Variants in FRMPD2 observed in about 807,000 individuals in gnomAD.
The protein encoded by FRMPD2 is FERM and PDZ domain-containing protein 2.
Under a neutral mutation model 140.1 loss-of-function variants are expected in FRMPD2, and 96 were observed. That is an observed-to-expected ratio of 0.69 (90% confidence interval 0.58 to 0.81). FRMPD2 has a LOEUF of 0.81. Ranked by LOEUF, FRMPD2 falls within the 40% of genes least tolerant of loss-of-function variation. The probability of loss-of-function intolerance (pLI) is 0.00; values close to 1 mark genes in which losing one functional copy is unlikely to be tolerated. For synonymous variants in FRMPD2, 449 were observed against 547.6 expected, an observed-to-expected ratio of 0.82 and a Z score of 2.52; for missense variants, 1,240 against 1,447.4, an observed-to-expected ratio of 0.86 and a Z score of 2.32.
At chr10:48,241,793 C>T (rs546088313) in intron 5 of FRMPD2, among the ~76,000 whole-genome samples, 4 of 152,336 alleles carry the variant, frequency 2.6e-5, no homozygotes, top group African/African-American at 9.6e-5. Flanking sequence ...GGGAAGGCTT[C>T]TGTGCAGAAC....
At chr10:48,164,039 T>C (rs1490357469) in intron 27 of FRMPD2, among the ~76,000 whole-genome samples, 1 of 151,028 alleles carries the variant, frequency 6.6e-6, no homozygotes, top group Non-Finnish European at 1.5e-5. Flanking sequence ...TCTCAGGGCT[T>C]GTCTCCCTGT....
At chr10:48,203,674 T>C (rs1418208676) in intron 14 of FRMPD2, among the ~76,000 whole-genome samples, 2 of 152,222 alleles carry the variant, frequency 1.3e-5, no homozygotes, top group Non-Finnish European at 2.9e-5. Context: ...GATACATCTT[T>C]GTATGAAATA....
At chr10:48,217,938 G>A (rs979040689) in intron 12 of FRMPD2, among the ~76,000 whole-genome samples, 3 of 152,170 alleles carry the variant, frequency 2.0e-5, no homozygotes, top group Non-Finnish European at 4.4e-5. Flanking sequence ...ATCTACTAGG[G>A]TTGCCATAAC....
In FRMPD2 at chr10:48,199,077, T is replaced by C. The variant is rs148614429; in HGVS notation, c.1954+2151A>G. On this transcript the variant is annotated intron_variant, in intron 15 of 28. Transcript: ENST00000374201. ...ACATAAATATGGGAACAATAGACAC[T>C]GTGGACTACTAGAGGGTGGAGGAAG... Among the ~76,000 whole-genome samples, 138 of 152,278 alleles carry C rather than the reference T, an allele frequency of 9.1e-4. 1 individual carries two copies. Among genetic ancestry groups the C allele is most frequent in the African/African-American group, 3.0e-3 (125 of 41,558 alleles).
Position 48,232,300 on chromosome 10 carries a change from C to A in FRMPD2, c.994-11G>T. 1.9e-6 allele frequency: 3 copies of A among 1,595,996 alleles called. No homozygotes were observed. The highest frequency in any genetic ancestry group is 1.1e-5 in the South Asian group (1 of 88,542). On this transcript the variant is annotated splice_polypyrimidine_tract_variant and intron_variant, in intron 9 of 28. Coordinates refer to ENST00000374201, the MANE Select transcript of FRMPD2 (RefSeq NM_001018071.4). The stretch of plus-strand genomic sequence containing the variant: ...TTTCCCTTTTTTGGTCTGAAAACAA[C>A]AACAGTATCAATTATACTACAATTA...
chr10:48,212,238 C>A, intron 12 of FRMPD2, 129 bp from the exon 13 acceptor site: 1 of 821,660 alleles, frequency 1.2e-6, no homozygotes, highest in South Asian at 1.8e-5. Flanking sequence ...CTCGAGGTGC[C>A]CACCTGGGAT....
chr10:48,221,241 T>A (rs1839580109), intron 12 of FRMPD2, among the ~76,000 whole-genome samples: 2 of 152,184 alleles, frequency 1.3e-5, no homozygotes, highest in South Asian at 4.1e-4. Context: ...CACAATTTCT[T>A]TATCCACTCA....
chr10:48,251,954 G>A (rs183577173), intron 1 of FRMPD2, among the ~76,000 whole-genome samples: 1 of 152,296 alleles, frequency 6.6e-6, no homozygotes, highest in East Asian at 1.9e-4. Context: ...CAAATGAAAG[G>A]TTAAATGAAT....
At chr10:48,221,216 T>C (rs886713603) in intron 12 of FRMPD2, among the ~76,000 whole-genome samples, 2 of 152,130 alleles carry the variant, frequency 1.3e-5, no homozygotes, top group African/African-American at 2.4e-5. Flanking sequence ...ATGAGTGGTA[T>C]ATGTATATAT....
In FRMPD2 at chr10:48,249,190, C is replaced by A. The variant is rs766359173; in HGVS notation, c.152-12G>T. On this transcript the variant is annotated splice_polypyrimidine_tract_variant and intron_variant, in intron 2 of 28. Transcript: ENST00000374201. The stretch of plus-strand genomic sequence containing the variant: ...ATAGTCCGAGGAATCTGAAACCAAG[C>A]CAGTGATGGGGCTGTAGAGACAGAG... The A allele has an allele frequency of 1.8e-5, 29 of 1,612,614 alleles. No individual in the cohort carries two copies. Among genetic ancestry groups the A allele is most frequent in the South Asian group, 2.2e-5 (2 of 90,910 alleles).
intron 3 of FRMPD2, among the ~76,000 whole-genome samples, chr10:48,247,186 T>C (rs1840269538): frequency 6.6e-6 from 1 of 152,198 alleles, no homozygotes; most frequent in Non-Finnish European, 1.5e-5. Flanking sequence ...AGGAACATAT[T>C]ATTTTCCAGC....
rs578261643 is a variant in FRMPD2, at chr10:48,270,215, G to C, written c.25+4328C>G. On this transcript the variant is annotated intron_variant, in intron 1 of 28. Transcript: ENST00000374201. ...AGGAGCTGCTAGTGGACGTGGTCTCGAGGCCCATTTTCATCCCTCAAGTGG... is the reference window on the plus strand; with the variant it reads ...AGGAGCTGCTAGTGGACGTGGTCTCCAGGCCCATTTTCATCCCTCAAGTGG... Among the ~76,000 whole-genome samples, 5 of 152,250 alleles carry C rather than the reference G, an allele frequency of 3.3e-5. No individual in the cohort carries two copies. In the South Asian group the frequency reaches 8.3e-4, roughly 25 times the overall value.
Position 48,264,147 on chromosome 10 carries a change from C to T in FRMPD2, c.25+10396G>A, listed in dbSNP as rs987084478. On this transcript the variant is annotated intron_variant, in intron 1 of 28. Coordinates refer to ENST00000374201, the MANE Select transcript of FRMPD2 (RefSeq NM_001018071.4). ...TAGAAAGAAACTTCTTCGACTTAAT[C>T]TTTTTAAAATATGTAAAAAAAAAAA... Among the ~76,000 whole-genome samples the T allele has an allele frequency of 2.0e-5, 3 of 151,838 alleles. No homozygotes were observed. In the East Asian group the frequency reaches 5.8e-4, roughly 29 times the overall value.
chr10:48,215,618 GA>G (rs1309611362), intron 12 of FRMPD2, among the ~76,000 whole-genome samples: 1 of 152,182 alleles, frequency 6.6e-6, no homozygotes, highest in Non-Finnish European at 1.5e-5. Context: ...ACATACGTGA[GA>G]AAGGAAAAAG....
At chr10:48,255,492 A>G (rs1456550614) in intron 1 of FRMPD2, among the ~76,000 whole-genome samples, 1 of 152,160 alleles carries the variant, frequency 6.6e-6, no homozygotes, top group Non-Finnish European at 1.5e-5. Flanking sequence ...CCATTACCAC[A>G]TTTAATAAAT....
intron 1 of FRMPD2, among the ~76,000 whole-genome samples, chr10:48,268,886 T>C (rs1156509222): frequency 6.6e-6 from 1 of 152,252 alleles, no homozygotes; most frequent in Non-Finnish European, 1.5e-5. Context: ...ATATAATCAC[T>C]GGGGGACACT....
chr10:48,227,666 A>T (rs891714671), intron 10 of FRMPD2, among the ~76,000 whole-genome samples: 1 of 152,196 alleles, frequency 6.6e-6, no homozygotes, highest in Admixed American at 6.5e-5. Context: ...ACCTTTGGAT[A>T]TTTGGACTTT....
intron 27 of FRMPD2, among the ~76,000 whole-genome samples, chr10:48,167,716 G>A (rs1199899381): frequency 1.3e-5 from 2 of 151,846 alleles, no homozygotes; most frequent in African/African-American, 4.8e-5. Context: ...CTAGGCCATG[G>A]TACACAGATA....
At chr10:48,191,470 C>T (rs1372372426) in intron 16 of FRMPD2, among the ~76,000 whole-genome samples, 2 of 152,118 alleles carry the variant, frequency 1.3e-5, no homozygotes, top group Non-Finnish European at 1.5e-5. Flanking sequence ...GCTTTGGGGT[C>T]GTTTGTTACA....
Sources: allele counts gnomAD v4.1 joint callset (sites outside exome capture counted in the v4.1 genomes callset), GRCh38; gene constraint gnomAD v4.1.1; transcripts MANE v1.5; gene names NCBI Gene and HGNC (gene_info 2026-07-23, HGNC 2026-07-21).